PACSIN2: variants seen among roughly 807,000 people sequenced by gnomAD.
PACSIN2 encodes the protein protein kinase C and casein kinase substrate in neurons protein 2.
In PACSIN2, 25 loss-of-function variants were observed where a neutral mutation model predicts 63.8. The observed-to-expected ratio is 0.39, with a 90% confidence interval of 0.29 to 0.55. PACSIN2 has a LOEUF of 0.55. Ranked by LOEUF, PACSIN2 falls within the 20% of genes least tolerant of loss-of-function variation. PACSIN2 has a pLI of 0.62. For synonymous variants in PACSIN2, 255 were observed against 256.2 expected, an observed-to-expected ratio of 1.00 and a Z score of 0.05; for missense variants, 518 against 646.9, an observed-to-expected ratio of 0.80 and a Z score of 2.16.
At chr22:43,006,996 G>C (rs1924135186) in intron 1 of PACSIN2, among the ~76,000 whole-genome samples, 1 of 152,060 alleles carries the variant, frequency 6.6e-6, no homozygotes, top group South Asian at 2.1e-4. Context: ...GACTCCCAGA[G>C]ACAGAGGTGA....
At chr22:42,899,458 T>C (rs1930521161) in intron 2 of PACSIN2, among the ~76,000 whole-genome samples, 1 of 151,922 alleles carries the variant, frequency 6.6e-6, no homozygotes, top group African/African-American at 2.4e-5. Flanking sequence ...GACACCTCTG[T>C]ATGTGGGTGC....
chr22:42,961,989 T>C (rs1239834827), intron 1 of PACSIN2, among the ~76,000 whole-genome samples: 4 of 152,064 alleles, frequency 2.6e-5, no homozygotes, highest in African/African-American at 9.7e-5. Context: ...CACGGCACCA[T>C]CACAGAAGAT....
At chr22:42,924,075 C>T (rs927010561) in intron 1 of PACSIN2, among the ~76,000 whole-genome samples, 3 of 151,606 alleles carry the variant, frequency 2.0e-5, no homozygotes, top group African/African-American at 7.3e-5. Context: ...CTGGAGAATA[C>T]CCGACTTTGT....
intron 1 of PACSIN2, among the ~76,000 whole-genome samples, chr22:42,951,458 C>A (rs140529965): frequency 1.3e-5 from 2 of 152,292 alleles, no homozygotes; most frequent in African/African-American, 4.8e-5. Context: ...CAGCCTCTCC[C>A]TGAGCTCCAG....
chr22:42,877,100 A>G, intron 8 of PACSIN2, 90 bp from the exon 9 acceptor site: 1 of 1,418,102 alleles, frequency 7.1e-7, no homozygotes, highest in Non-Finnish European at 9.9e-7. Flanking sequence ...CTCAAGAGAC[A>G]AATCAGCTCC....
intron 1 of PACSIN2, among the ~76,000 whole-genome samples, chr22:42,951,658 T>C (rs1393263241): frequency 6.6e-6 from 1 of 152,138 alleles, no homozygotes; most frequent in Non-Finnish European, 1.5e-5. Flanking sequence ...CCACATAACA[T>C]CACCTCTACC....
intron 1 of PACSIN2, among the ~76,000 whole-genome samples, chr22:42,983,332 A>AG (rs199523028): frequency 3.7e-4 from 55 of 147,616 alleles, no homozygotes; most frequent in East Asian, 3.3e-3. Flanking sequence ...AAAAAAAAAA[A>AG]AAAAGAAACT....
At chr22:42,875,183 C>T (rs1928514813) in intron 10 of PACSIN2, among the ~76,000 whole-genome samples, 1 of 150,680 alleles carries the variant, frequency 6.6e-6, no homozygotes, top group Non-Finnish European at 1.5e-5. Context: ...TGGGGTCTTG[C>T]TCTCTCTTCT....
chr22:42,976,462 C>CTGGGGGTTCACA (rs56276598), intron 1 of PACSIN2, among the ~76,000 whole-genome samples: 61,822 of 151,928 alleles, frequency 0.41, 13,091 homozygotes, highest in Non-Finnish European at 0.46. Context: ...ACAGGATCAT[C>CTGGGGGTTCACA]GATTTGAGGC....
chr22:42,991,774 T>C (rs1360705012), intron 1 of PACSIN2, among the ~76,000 whole-genome samples: 2 of 150,476 alleles, frequency 1.3e-5, no homozygotes, highest in Non-Finnish European at 2.9e-5. Flanking sequence ...TTGGGGACTT[T>C]TCAACAAATG....
At chr22:42,993,359 T>C (rs1272518978) in intron 1 of PACSIN2, among the ~76,000 whole-genome samples, 1 of 152,226 alleles carries the variant, frequency 6.6e-6, no homozygotes, top group African/African-American at 2.4e-5. Flanking sequence ...TCTCACTATC[T>C]TCTTTGCAAT....
chr22:42,895,824 T>C (rs1930237493), intron 2 of PACSIN2, among the ~76,000 whole-genome samples: 1 of 152,226 alleles, frequency 6.6e-6, no homozygotes, highest in Admixed American at 6.5e-5. Flanking sequence ...GCCAAACAGT[T>C]GGGACCGAGG....
chr22:42,969,043 C>CTCCATTCATCCATCCATCCA (rs1555939073), intron 1 of PACSIN2, among the ~76,000 whole-genome samples: 1 of 150,772 alleles, frequency 6.6e-6, no homozygotes, highest in Admixed American at 6.6e-5. Context: ...ATCTATCTAT[C>CTCCATTCATCCATCCATCCA]TCCATCCATC....
intron 1 of PACSIN2, among the ~76,000 whole-genome samples, chr22:42,974,748 CA>C (rs763775543): frequency 0.073 from 4,280 of 58,400 alleles, 53 homozygotes; most frequent in African/African-American, 0.097. Flanking sequence ...GATCTTGTCT[CA>C]AAAAAAAAAA....
intron 6 of PACSIN2, among the ~76,000 whole-genome samples, chr22:42,883,021 CT>C (rs1311930987): frequency 1.3e-5 from 2 of 152,248 alleles, no homozygotes; most frequent in African/African-American, 4.8e-5. Context: ...GGAATGTGGC[CT>C]TATTTGGAAA....
chr22:43,003,278 C>T (rs1225006038), intron 1 of PACSIN2, among the ~76,000 whole-genome samples: 1 of 152,182 alleles, frequency 6.6e-6, no homozygotes, highest in Non-Finnish European at 1.5e-5. Context: ...AAAAAGAAGT[C>T]ATTTGACACA....
intron 1 of PACSIN2, among the ~76,000 whole-genome samples, chr22:42,941,283 CCCATTA>C (rs1569301956): frequency 6.6e-6 from 1 of 152,192 alleles, no homozygotes; most frequent in African/African-American, 2.4e-5. Flanking sequence ...AATTTGTTTG[CCCATTA>C]CCAAGTGACT....
chr22:43,004,588 A>G (rs183067962), intron 1 of PACSIN2, among the ~76,000 whole-genome samples: 1 of 152,372 alleles, frequency 6.6e-6, no homozygotes, highest in Admixed American at 6.5e-5. Context: ...TCTGAAGACC[A>G]CAATTCATGA....
chr22:42,919,307 C>T (rs951419433), intron 1 of PACSIN2, among the ~76,000 whole-genome samples: 1 of 152,010 alleles, frequency 6.6e-6, no homozygotes, highest in Non-Finnish European at 1.5e-5. Flanking sequence ...TCATTACCTC[C>T]CAGGGTATTA....
Sources: gnomAD v4.1 joint callset for allele counts (sites outside exome capture counted in the v4.1 genomes callset) on GRCh38, gnomAD v4.1.1 for gene constraint, MANE v1.5 for transcripts, NCBI Gene and HGNC (gene_info 2026-07-23, HGNC 2026-07-21) for gene names.